Variants in KIF5C observed in about 807,000 individuals in gnomAD.
KIF5C encodes the protein kinesin heavy chain isoform 5C.
A neutral mutation model predicts 125.2 loss-of-function variants in KIF5C; 18 were observed. The observed-to-expected ratio is 0.14, with a 90% CI of 0.10 to 0.21. KIF5C has a LOEUF of 0.21. KIF5C is among the 10% of genes least tolerant of loss of function. The pLI, the probability that KIF5C is intolerant of heterozygous loss-of-function variation, is 1.00. For synonymous variants in KIF5C, 405 were observed against 434.0 expected (o/e 0.93, Z 0.83); for missense variants, 780 against 1,183.8 (o/e 0.66, Z 5.01).
intron 1 of KIF5C, among the ~76,000 whole-genome samples, chr2:148,881,961 C>T (rs1681371873): frequency 6.6e-6 from 1 of 152,168 alleles, no homozygotes; most frequent in African/African-American, 2.4e-5. Context: ...GATCCAGTCT[C>T]ACCTTACTTT....
intron 25 of KIF5C, among the ~76,000 whole-genome samples, chr2:149,019,184 G>A (rs1337163851): frequency 1.3e-5 from 2 of 152,134 alleles, no homozygotes; most frequent in Admixed American, 1.3e-4. Context: ...TGTCACACCA[G>A]ACAAGATTCT....
chr2:148,964,968 A>G (rs1158335490), intron 11 of KIF5C, among the ~76,000 whole-genome samples: 2 of 152,090 alleles, frequency 1.3e-5, no homozygotes, highest in Non-Finnish European at 2.9e-5. Flanking sequence ...GGTAGTAGGA[A>G]GGGAGAGAAA....
chr2:148,966,350 GTGTGCGCGCGCGCACACACACACATGCT>G lies in KIF5C; in HGVS notation c.1117+4237_1117+4264del, dbSNP rs376110841. 7.5e-3 allele frequency among the ~76,000 whole-genome samples: 1,143 copies of G among 152,000 alleles called. 13 individuals carry two copies. Among genetic ancestry groups the G allele is most frequent in the African/African-American group, 0.026 (1,083 of 41,474 alleles). ...TATGTGTAGCAAAGTGTGTGTGTGTGTGTGCGCGCGCGCACACACACACATGCTTGTGCTTTTTCCTACTTGCTGTTAC... is the reference window on the plus strand; with the variant it reads ...TATGTGTAGCAAAGTGTGTGTGTGTGTGTGCTTTTTCCTACTTGCTGTTAC... On this transcript the variant is annotated intron_variant, in intron 11 of 25. Transcript: ENST00000435030.
Position 149,010,142 on chromosome 2 carries a change from G to A in KIF5C, c.2558G>A (p.Arg853Gln), listed in dbSNP as rs1314153305. ...QLTKVHKQLV[R>Q]DNADLRCELP... Reference sequence around the variant, plus strand: ...TTTATCCTCCTGCCCCAGCTGGTCCGGGACAACGCAGACCTGCGCTGTGAA... The same window carrying A: ...TTTATCCTCCTGCCCCAGCTGGTCCAGGACAACGCAGACCTGCGCTGTGAA... Residue 853 changes from arginine to glutamine, a missense_variant, in exon 24 of 26, where the codon CGG becomes CAG. Coordinates refer to ENST00000435030, the MANE Select transcript of KIF5C (RefSeq NM_004522.3). 15 of 1,549,218 alleles carry A rather than the reference G, an allele frequency of 9.7e-6. No individual in the cohort carries two copies. The highest frequency in any genetic ancestry group is 1.3e-5 in the Non-Finnish European group (15 of 1,145,618).
chr2:148,876,947 C>A lies in KIF5C; in HGVS notation c.126+1204C>A, dbSNP rs996053481. Among the ~76,000 whole-genome samples, 6 of 152,186 alleles carry A rather than the reference C, an allele frequency of 3.9e-5. No homozygotes were observed. The highest frequency in any genetic ancestry group is 7.3e-5 in the Non-Finnish European group (5 of 68,038). Reference sequence around the variant, plus strand: ...GATCACTGAGCATGCTCCGACTAACCCCCTCCTCCCCTTCCTCCAGTGGCT... The same window carrying A: ...GATCACTGAGCATGCTCCGACTAACACCCTCCTCCCCTTCCTCCAGTGGCT... On this transcript the variant is annotated intron_variant, in intron 1 of 25. Transcript: ENST00000435030. The surrounding 1 kb of genome is among the most constrained non-coding windows in gnomAD (Gnocchi z 4.7).
At chr2:148,910,045 A>G (rs143076701) in intron 1 of KIF5C, among the ~76,000 whole-genome samples, 310 of 152,362 alleles carry the variant, frequency 2.0e-3, no homozygotes, top group African/African-American at 7.1e-3. Flanking sequence ...GTAAAATTTT[A>G]AAAATTCTAT....
At chr2:149,005,325 C>G in intron 21 of KIF5C, 68 bp from the exon 22 acceptor site, 2 of 1,573,324 alleles carry the variant, frequency 1.3e-6, no homozygotes, top group South Asian at 2.3e-5. Flanking sequence ...GGGGAATGAT[C>G]TGGTGCCAAA....
At position 148,998,427 on chromosome 2, in the gene KIF5C, C is replaced by T. The variant is rs1681741130; in HGVS notation, c.2128C>T (p.His710Tyr). 1.3e-6 allele frequency: 2 copies of T among 1,566,044 alleles called. No homozygotes were observed. Among genetic ancestry groups the T allele is most frequent in the Non-Finnish European group, 1.7e-6 (2 of 1,155,220 alleles). Reference protein sequence around the residue: ...KKALEQQMESHREAHQKQLSR... With the variant: ...KKALEQQMESYREAHQKQLSR... Reference sequence around the variant, plus strand: ...GGCGCTGGAGCAGCAGATGGAGAGCCACCGGGAAGCTCACCAGAAGCAGCT... The same window carrying T: ...GGCGCTGGAGCAGCAGATGGAGAGCTACCGGGAAGCTCACCAGAAGCAGCT... Residue 710 changes from histidine (H) to tyrosine (Y), a missense_variant, in exon 19 of 26, where the codon CAC (histidine) becomes TAC (tyrosine). Physicochemically the swap from His to Tyr is moderately conservative, Grantham distance 83. Around this residue, in one of 2 missense-constraint regions of KIF5C, gnomAD observed 573 missense variants for 742.6 expected, o/e 0.77. Transcript: ENST00000435030.
At chr2:149,000,353 A>G in intron 19 of KIF5C, 70 bp from the exon 20 acceptor site, 1 of 1,522,930 alleles carries the variant, frequency 6.6e-7, no homozygotes. Context: ...GAACAGAACC[A>G]CGGTTTTAGC....
chr2:148,946,037 T>C (rs1235271402), intron 7 of KIF5C, among the ~76,000 whole-genome samples: 1 of 152,212 alleles, frequency 6.6e-6, no homozygotes, highest in Admixed American at 6.5e-5. Flanking sequence ...GTTAAGTTTA[T>C]TCCTAAGTAG....
chr2:148,982,357 G>C (rs1237397490), intron 14 of KIF5C, among the ~76,000 whole-genome samples: 1 of 152,216 alleles, frequency 6.6e-6, no homozygotes, highest in Non-Finnish European at 1.5e-5. Flanking sequence ...CTGGAAAATG[G>C]GTGGTGGAGA....
Position 148,875,428 on chromosome 2 carries a change from C to G in KIF5C, c.-190C>G, listed in dbSNP as rs879283247. The G allele has an allele frequency of 5.4e-4, 298 of 553,638 alleles. No homozygotes were observed. The highest frequency in any genetic ancestry group is 8.0e-4 in the Non-Finnish European group (253 of 316,418). The allele number at this position is 553,638 out of a possible 1,614,324, so 34.3% of individuals were successfully genotyped here. A position where few individuals can be genotyped will look rare whatever the true frequency, so the allele number is the denominator to read the frequency against. ...GGAGGGGCCGGAGCGGAGAAGCTGCCCACCTTCCCGGGCTCGGAGCGGCCG... is the reference window on the plus strand; with the variant it reads ...GGAGGGGCCGGAGCGGAGAAGCTGCGCACCTTCCCGGGCTCGGAGCGGCCG... On this transcript the variant is annotated 5_prime_UTR_variant, in exon 1 of 26. Coordinates refer to ENST00000435030, the MANE Select transcript of KIF5C (RefSeq NM_004522.3).
chr2:148,991,185 T>C lies in KIF5C; in HGVS notation c.1892T>C (p.Leu631Pro). The change falls in exon 16 of 26, where the codon CTG becomes CCG. Residue 631 changes from leucine to proline, a missense_variant. Coordinates refer to ENST00000435030, the MANE Select transcript of KIF5C (RefSeq NM_004522.3). ...GAGCGGGAGCTGGCAGCCTGCCAGC[T>C]GCTCATCTCCCAGGTGGGCCCTTCC... The part of the protein sequence containing the change: ...ASERELAACQ[L>P]LISQHEAKIK... 1 of 1,613,722 alleles carries C rather than the reference T, an allele frequency of 6.2e-7. No individual in the cohort carries two copies. The highest frequency in any genetic ancestry group is 8.5e-7 in the Non-Finnish European group (1 of 1,179,774).
At chr2:149,001,425 G>T (rs545752452) in intron 21 of KIF5C, among the ~76,000 whole-genome samples, 1 of 152,156 alleles carries the variant, frequency 6.6e-6, no homozygotes, top group South Asian at 2.1e-4. Flanking sequence ...CAGCAGGGAG[G>T]TTTGTGTGGC....
At chr2:148,958,091 T>C (rs536736866) in intron 10 of KIF5C, among the ~76,000 whole-genome samples, 1 of 152,316 alleles carries the variant, frequency 6.6e-6, no homozygotes, top group East Asian at 1.9e-4. Context: ...CTTATAGGTA[T>C]CCATTCTATT....
At chr2:148,951,212 A>G (rs2105114970) in intron 10 of KIF5C, among the ~76,000 whole-genome samples, 1 of 152,314 alleles carries the variant, frequency 6.6e-6, no homozygotes, top group East Asian at 1.9e-4. Context: ...TGAATGCAGA[A>G]GAGAGGTATA....
At chr2:148,922,584 T>C (rs571173969) in intron 2 of KIF5C, among the ~76,000 whole-genome samples, 1 of 152,362 alleles carries the variant, frequency 6.6e-6, no homozygotes, top group East Asian at 1.9e-4. Context: ...AAAATATATA[T>C]TCCTGATGCT....
intron 2 of KIF5C, among the ~76,000 whole-genome samples, chr2:148,923,759 A>G (rs1325150221): frequency 6.6e-6 from 1 of 152,224 alleles, no homozygotes; most frequent in Non-Finnish European, 1.5e-5. Context: ...CTAAGCTGAC[A>G]TAATTAGAAA....
chr2:148,974,613 C>T (rs763215750), intron 12 of KIF5C, among the ~76,000 whole-genome samples: 6 of 152,122 alleles, frequency 3.9e-5, no homozygotes, highest in African/African-American at 9.7e-5. Flanking sequence ...CCACGCATAC[C>T]GTTATCTTCC....
Sources: allele counts gnomAD v4.1 joint callset (sites outside exome capture counted in the v4.1 genomes callset), GRCh38; gene constraint gnomAD v4.1.1; regional missense constraint gnomAD v4.1.1; non-coding constraint Gnocchi (gnomAD v3.1); transcripts MANE v1.5; gene names NCBI Gene and HGNC (gene_info 2026-07-23, HGNC 2026-07-21).